NFIX: variants seen among roughly 807,000 people sequenced by gnomAD.
The protein encoded by NFIX is nuclear factor I X, also known as nuclear factor 1 X-type.
In NFIX, 2 loss-of-function variants were observed where a neutral mutation model predicts 53.3. The observed-to-expected ratio is 0.04, with a 90% CI of 0.02 to 0.12. The LOEUF (loss-of-function observed/expected upper bound fraction) is 0.12. Ranked by LOEUF, NFIX falls within the 10% of genes least tolerant of loss-of-function variation. The pLI is 1.00. For missense variants in NFIX, 310 were observed against 674.5 expected, an observed-to-expected ratio of 0.46 and a Z score of 5.99; for synonymous variants, 244 against 289.0, an observed-to-expected ratio of 0.84 and a Z score of 1.58.
chr19:13,080,467 C>G (rs533082417), intron 7 of NFIX, among the ~76,000 whole-genome samples: 13 of 152,310 alleles, frequency 8.5e-5, no homozygotes, highest in Middle Eastern at 3.4e-3. Flanking sequence ...TCAAGTGATC[C>G]TCCCACCTTG....
At chr19:13,034,490 G>T (rs981790054) in intron 2 of NFIX, among the ~76,000 whole-genome samples, 2 of 152,190 alleles carry the variant, frequency 1.3e-5, no homozygotes, top group Non-Finnish European at 2.9e-5. Flanking sequence ...GAGCATGGGG[G>T]AGGGATCCCA....
At chr19:13,031,103 G>T (rs1006182843) in intron 2 of NFIX, among the ~76,000 whole-genome samples, 2 of 152,202 alleles carry the variant, frequency 1.3e-5, no homozygotes, top group African/African-American at 4.8e-5. Context: ...TTATGCTTGG[G>T]CTTGGTCTTA....
intron 8 of NFIX, 81 bp from the exon 9 acceptor site, chr19:13,087,908 C>T (rs1030007018): frequency 2.8e-5 from 42 of 1,490,970 alleles, no homozygotes; most frequent in African/African-American, 1.5e-4. Flanking sequence ...CTCTCAGGAG[C>T]GAGCTGGCGC....
intron 1 of NFIX, among the ~76,000 whole-genome samples, chr19:13,020,207 C>G (rs753790038): frequency 4.6e-5 from 7 of 152,174 alleles, no homozygotes; most frequent in Non-Finnish European, 8.8e-5. Context: ...AACAGGTAAT[C>G]TTCCAACAGG....
At position 13,074,007 on chromosome 19, in the gene NFIX, A is replaced by C. The variant is rs1336690024; in HGVS notation, c.799A>C (p.Thr267Pro). 1.9e-6 allele frequency: 3 copies of C among 1,612,620 alleles called. No individual in the cohort carries two copies. Among genetic ancestry groups the C allele is most frequent in the Non-Finnish European group, 2.5e-6 (3 of 1,179,504 alleles). Residue 267 changes from threonine (T) to proline (P), a missense_variant, in exon 5 of 11, where the codon ACC becomes CCC. By Grantham distance (38) the Thr-to-Pro change is conservative (BLOSUM62 -1). Transcript: ENST00000592199. Reference sequence around the variant, plus strand: ...GGTGACCCTGGGGCGGCGGTCCATCACCTCCCCTCCTTCCACCAGGTAAGC... The same window carrying C: ...GGTGACCCTGGGGCGGCGGTCCATCCCCTCCCCTCCTTCCACCAGGTAAGC... The part of the protein sequence containing the change: ...NQVTLGRRSI[T>P]SPPSTSTTKR...
intron 1 of NFIX, among the ~76,000 whole-genome samples, chr19:13,017,489 T>G (rs2145169906): frequency 6.6e-6 from 1 of 152,100 alleles, no homozygotes; most frequent in East Asian, 1.9e-4. Flanking sequence ...TGAGGGCAGG[T>G]GGTGAGGAGA....
At chr19:13,026,034 G>A (rs563340339) in intron 2 of NFIX, among the ~76,000 whole-genome samples, 3 of 152,182 alleles carry the variant, frequency 2.0e-5, no homozygotes, top group South Asian at 4.1e-4. Context: ...GCAGGAGTCC[G>A]GTGGAGAGAA....
rs895655453 is a variant in NFIX, at chr19:13,049,075, T to TA, written c.559+23532dup. On this transcript the variant is annotated intron_variant, in intron 2 of 10. Transcript: ENST00000592199. This position sits in a 1 kb window ranked among gnomAD's most constrained non-coding sequence, Gnocchi z 4.5. ...CTGGGCGACAGAGCAAGACTCTGTCTAAAAAAAAACAAAACAAAACAAAAA... is the reference window on the plus strand; with the variant it reads ...CTGGGCGACAGAGCAAGACTCTGTCTAAAAAAAAAACAAAACAAAACAAAAA... Among the ~76,000 whole-genome samples, 11 of 149,408 alleles carry TA rather than the reference T, an allele frequency of 7.4e-5. No homozygotes were observed. Among genetic ancestry groups the TA allele is most frequent in the African/African-American group, 1.2e-4 (5 of 40,616 alleles).
Position 13,078,549 on chromosome 19 carries a change from C to G in NFIX, c.956-64C>G. 1.3e-6 allele frequency: 2 copies of G among 1,536,434 alleles called. No individual in the cohort carries two copies. Among genetic ancestry groups the G allele is most frequent in the Non-Finnish European group, 1.8e-6 (2 of 1,135,292 alleles). ...GAGAAGGAGCGAGCTGCTGGCTTCC[C>G]GCCTTCCCCGCACCCACCCCAGCCC... On this transcript the variant is annotated intron_variant, in intron 6 of 10. Transcript: ENST00000592199. The surrounding 1 kb of genome is among the most constrained non-coding windows in gnomAD (Gnocchi z 4.7).
At position 13,049,314 on chromosome 19, in the gene NFIX, T is replaced by G. The variant is rs1359478241; in HGVS notation, c.560-23733T>G. Among the ~76,000 whole-genome samples the G allele has an allele frequency of 6.6e-6, 1 of 152,198 alleles. No homozygotes were observed. The highest frequency in any genetic ancestry group is 1.9e-4 in the East Asian group (1 of 5,202). On this transcript the variant is annotated intron_variant, in intron 2 of 10. Coordinates refer to ENST00000592199, the MANE Select transcript of NFIX (RefSeq NM_001365902.3). This position sits in a 1 kb window ranked among gnomAD's most constrained non-coding sequence, Gnocchi z 4.5. ...ATTAAGCATAGGATTCAGTGCCATTTAGTACCTTCACAATGTTGTGTAACC... is the reference window on the plus strand; with the variant it reads ...ATTAAGCATAGGATTCAGTGCCATTGAGTACCTTCACAATGTTGTGTAACC...
chr19:13,073,284 C>G lies in NFIX; in HGVS notation c.623-138C>G, dbSNP rs1298228722. 4.3e-6 allele frequency: 4 copies of G among 922,324 alleles called. No homozygotes were observed. Among genetic ancestry groups the G allele is most frequent in the Admixed American group, 1.8e-5 (1 of 54,856 alleles). The allele number at this position is 922,324 out of a possible 1,614,324, so 57.1% of individuals were successfully genotyped here. On this transcript the variant is annotated intron_variant, in intron 3 of 10. Transcript: ENST00000592199. The surrounding 1 kb of genome is among the most constrained non-coding windows in gnomAD (Gnocchi z 4.5). ...GCACACCTAGAGGATCCCCCCTGTT[C>G]GGTGTAGACCTGAGGGCTAGCCTGG...
chr19:13,059,774 ATTC>A lies in NFIX; in HGVS notation c.560-13270_560-13268del, dbSNP rs1396600995. On this transcript the variant is annotated intron_variant, in intron 2 of 10. Transcript: ENST00000592199. ...TTTTTTCTAATTTGATTTAATTAGA[ATTC>A]TTTTTTTTTTTTTTTTTTTTTTTTG... 9.1e-3 allele frequency among the ~76,000 whole-genome samples: 1,119 copies of A among 123,380 alleles called. 24 individuals are homozygous for A. Among genetic ancestry groups the A allele is most frequent in the African/African-American group, 0.032 (1,062 of 33,116 alleles). The allele number at this position is 123,380 out of a possible 152,430, so 80.9% of individuals were successfully genotyped here. A position where few individuals can be genotyped will look rare whatever the true frequency, so the allele number is the denominator to read the frequency against.
chr19:13,090,315 C>T lies in NFIX; in HGVS notation c.1419C>T (p.Gly473=). 2 of 1,613,968 alleles carry T rather than the reference C, an allele frequency of 1.2e-6. No homozygotes were observed. Among genetic ancestry groups the T allele is most frequent in the Non-Finnish European group, 8.5e-7 (1 of 1,179,872 alleles). The change falls in exon 10 of 11, where the codon GGC becomes GGT. Residue 473 remains glycine (G), a synonymous_variant. Coordinates refer to ENST00000592199, the MANE Select transcript of NFIX (RefSeq NM_001365902.3). The surrounding 1 kb of genome is among the most constrained non-coding windows in gnomAD (Gnocchi z 6.6). ...TPPSPSFATT[G]ASSANRFVSI... is the part of the protein sequence containing the mutation. ...TCCCCACAGCATTCGCAACGACAGG[C>T]GCCTCCTCTGCCAACCGGTTTGTCA...
chr19:13,002,760 G>T lies in NFIX; in HGVS notation c.27+6896G>T, dbSNP rs2011783727. 6.6e-6 allele frequency among the ~76,000 whole-genome samples: 1 copy of T among 152,182 alleles called. No individual in the cohort carries two copies. Among genetic ancestry groups the T allele is most frequent in the Non-Finnish European group, 1.5e-5 (1 of 68,010 alleles). On this transcript the variant is annotated intron_variant, in intron 1 of 10. Coordinates refer to ENST00000592199, the MANE Select transcript of NFIX (RefSeq NM_001365902.3). The surrounding 1 kb of genome is among the most constrained non-coding windows in gnomAD (Gnocchi z 6.1). The stretch of plus-strand genomic sequence containing the variant: ...GCTCTGCAGCCAATCGGAAGCCGGG[G>T]TTGCACTGGGGAGCTCTCCCCCCAC...
chr19:13,045,750 C>T lies in NFIX; in HGVS notation c.559+20198C>T, dbSNP rs139104639. On this transcript the variant is annotated intron_variant, in intron 2 of 10. Coordinates refer to ENST00000592199, the MANE Select transcript of NFIX (RefSeq NM_001365902.3). The surrounding 1 kb of genome is among the most constrained non-coding windows in gnomAD (Gnocchi z 4.4). ...TGGTTGCGCCTGTCCGTTCTCCCTC[C>T]CTTTTCTCGTAGGCTTCTTCCTCCT... Among the ~76,000 whole-genome samples, 11 of 152,194 alleles carry T rather than the reference C, an allele frequency of 7.2e-5. No individual in the cohort carries two copies. Among genetic ancestry groups the T allele is most frequent in the African/African-American group, 2.4e-4 (10 of 41,430 alleles).
intron 1 of NFIX, among the ~76,000 whole-genome samples, chr19:13,015,724 C>T (rs2012621583): frequency 6.6e-6 from 1 of 152,124 alleles, no homozygotes; most frequent in African/African-American, 2.4e-5. Context: ...CCCTGTTAGT[C>T]TGCTAAACCC....
intron 1 of NFIX, among the ~76,000 whole-genome samples, chr19:13,000,548 G>A (rs1461547385): frequency 6.6e-6 from 1 of 151,512 alleles, no homozygotes; most frequent in Non-Finnish European, 1.5e-5. Context: ...GGGAGAGATG[G>A]TGGGGGAGAG....
At position 13,078,720 on chromosome 19, in the gene NFIX, G is replaced by T; in HGVS notation, c.1063G>T (p.Ala355Ser). 7 of 1,601,280 alleles carry T rather than the reference G, an allele frequency of 4.4e-6. No individual in the cohort carries two copies. The highest frequency in any genetic ancestry group is 6.0e-6 in the Non-Finnish European group (7 of 1,174,238). ...AFTHHPLPVL[A>S]GVRPGSPRAT... ...CACCCACCACCCGCTGCCTGTGCTTGCTGGAGTCAGACCAGGTGAGAAATG... is the reference window on the plus strand; with the variant it reads ...CACCCACCACCCGCTGCCTGTGCTTTCTGGAGTCAGACCAGGTGAGAAATG... The change falls in exon 7 of 11, where the codon GCT (alanine) becomes TCT (serine). Residue 355 changes from alanine to serine, a missense_variant. This residue lies in a region of NFIX where 164 missense variants were observed against 284.4 expected (regional missense o/e 0.58). Coordinates refer to ENST00000592199, the MANE Select transcript of NFIX (RefSeq NM_001365902.3). This position sits in a 1 kb window ranked among gnomAD's most constrained non-coding sequence, Gnocchi z 4.7.
intron 2 of NFIX, among the ~76,000 whole-genome samples, chr19:13,065,794 G>A (rs763174552): frequency 1.3e-5 from 2 of 152,140 alleles, no homozygotes; most frequent in South Asian, 2.1e-4. Flanking sequence ...GGCTGGGGAC[G>A]GCTGCTAATG....
Sources: allele counts gnomAD v4.1 joint callset (sites outside exome capture counted in the v4.1 genomes callset), GRCh38; gene constraint gnomAD v4.1.1; regional missense constraint gnomAD v4.1.1; non-coding constraint Gnocchi (gnomAD v3.1); transcripts MANE v1.5; gene names NCBI Gene and HGNC (gene_info 2026-07-23, HGNC 2026-07-21).